The following PDE1C variants were observed in gnomAD, a reference collection of about 807,000 sequenced individuals.
PDE1C encodes dual specificity calcium/calmodulin-dependent 3',5'-cyclic nucleotide phosphodiesterase 1C.
In PDE1C, 62 loss-of-function variants were observed where a neutral mutation model predicts 93.1. That is an observed-to-expected ratio of 0.67 (90% CI 0.54 to 0.82). The LOEUF (loss-of-function observed/expected upper bound fraction) is 0.82. Ranked by LOEUF, PDE1C falls within the 40% of genes least tolerant of loss-of-function variation. The probability of loss-of-function intolerance (pLI) is 0.00; values close to 1 mark genes in which losing one functional copy is unlikely to be tolerated. For synonymous variants in PDE1C, 325 were observed against 310.1 expected, an observed-to-expected ratio of 1.05 and a Z score of -0.50; for missense variants, 742 against 884.6, an observed-to-expected ratio of 0.84 and a Z score of 2.04.
chr7:32,201,079 G>A (rs576613782), intron 2 of PDE1C, among the ~76,000 whole-genome samples: 3 of 152,310 alleles, frequency 2.0e-5, no homozygotes, highest in Non-Finnish European at 2.9e-5. Context: ...CTGCACACAT[G>A]TTAACAGCTT....
intron 1 of PDE1C, among the ~76,000 whole-genome samples, chr7:32,211,893 G>GTGC (rs2128844753): frequency 6.6e-6 from 1 of 151,814 alleles, no homozygotes; most frequent in Non-Finnish European, 1.5e-5. Context: ...GGGTGTGGTG[G>GTGC]AGCATGCCTG....
intron 17 of PDE1C, among the ~76,000 whole-genome samples, chr7:31,764,840 T>G (rs1396589482): frequency 6.6e-6 from 1 of 152,226 alleles, no homozygotes; most frequent in Non-Finnish European, 1.5e-5. Context: ...AATAAACTAC[T>G]CTACTTCACA....
chr7:31,706,709 A>G, the PDE1C span, among the ~76,000 whole-genome samples: 1 of 152,228 alleles, frequency 6.6e-6, no homozygotes, highest in Non-Finnish European at 1.5e-5. Context: ...CAAATATTGA[A>G]AGGACAGGAA....
At chr7:31,750,795 G>A (rs996578083), downstream of PDE1C, among the ~76,000 whole-genome samples, 1 of 152,140 alleles carries the variant, frequency 6.6e-6, no homozygotes, top group African/African-American at 2.4e-5. Context: ...GCAGCGGCGT[G>A]ATCTCGGCTC....
At chr7:31,763,983 T>C (rs1205713507) in intron 17 of PDE1C, among the ~76,000 whole-genome samples, 5 of 148,436 alleles carry the variant, frequency 3.4e-5, no homozygotes, top group African/African-American at 9.8e-5. Flanking sequence ...TATGTATATA[T>C]TATATATATT....
chr7:32,298,717 T>C (rs1230064785), exon 1 of PDE1C: 3 of 1,604,134 alleles, frequency 1.9e-6, no homozygotes, highest in Non-Finnish European at 2.6e-6. Flanking sequence ...CCCTCCTTCC[T>C]GTTGCCGGCG....
At chr7:32,091,195 A>G (rs752150123) in intron 3 of PDE1C, among the ~76,000 whole-genome samples, 14 of 152,326 alleles carry the variant, frequency 9.2e-5, no homozygotes, top group Non-Finnish European at 1.8e-4. Flanking sequence ...GAGCCTCTGG[A>G]TGGTTAAGTA....
intron 7 of PDE1C, among the ~76,000 whole-genome samples, chr7:31,853,114 A>G (rs1374830257): frequency 2.6e-5 from 4 of 152,140 alleles, no homozygotes; most frequent in African/African-American, 9.7e-5. Context: ...TTACAACCAT[A>G]GTGATGCTTC....
At chr7:32,047,223 C>T (rs1196225812) in intron 2 of PDE1C, among the ~76,000 whole-genome samples, 1 of 152,010 alleles carries the variant, frequency 6.6e-6, no homozygotes, top group African/African-American at 2.4e-5. Flanking sequence ...GCAAGCCAGA[C>T]CTGATAACTT....
intron 3 of PDE1C, among the ~76,000 whole-genome samples, chr7:32,101,865 C>T (rs1314109273): frequency 2.0e-5 from 3 of 152,020 alleles, no homozygotes; most frequent in African/African-American, 7.3e-5. Context: ...TCTGTGGGGG[C>T]CTCAGGAAAG....
At chr7:31,652,769 A>C in the PDE1C span, 1 of 1,613,840 alleles carries the variant, frequency 6.2e-7, no homozygotes, top group African/African-American at 1.3e-5. Context: ...GGGCAAAGTT[A>C]GGTCCAACCC....
At chr7:31,749,612 G>T (rs1052205784), downstream of PDE1C, among the ~76,000 whole-genome samples, 4 of 152,164 alleles carry the variant, frequency 2.6e-5, no homozygotes, top group African/African-American at 9.7e-5. Flanking sequence ...TGCAACAGGG[G>T]AGGAGAAAGG....
chr7:31,824,871 A>G lies in PDE1C; in HGVS notation c.1402T>C (p.Ser468Pro). Residue 468 changes from serine to proline, a missense_variant, in exon 13 of 18, where the codon TCG (serine) becomes CCG (proline). By Grantham distance (74) the Ser-to-Pro change is moderately conservative (BLOSUM62 -1). Transcript: ENST00000396191. ...SQTGGTGQRR[S>P]SLNSISSSDA... ...CCCTCAAGCTTCCCCACTGACCTCG[A>G]ACGCCTCTGTCCTGTCCCACCAGTT... 6.2e-7 allele frequency: 1 copy of G among 1,612,798 alleles called. No homozygotes were observed. Among genetic ancestry groups the G allele is most frequent in the Admixed American group, 1.7e-5 (1 of 59,970 alleles).
At chr7:31,661,055 G>A in the PDE1C span, among the ~76,000 whole-genome samples, 1 of 151,886 alleles carries the variant, frequency 6.6e-6, no homozygotes, top group African/African-American at 2.4e-5. Context: ...GTAGAGATAA[G>A]CTCGAGAAAA....
chr7:31,947,677 T>A (rs183444347), intron 2 of PDE1C, among the ~76,000 whole-genome samples: 232 of 152,298 alleles, frequency 1.5e-3, no homozygotes, highest in African/African-American at 5.1e-3. Flanking sequence ...ATTTTCATAG[T>A]TCCTGTACCA....
At chr7:31,914,061 A>G (rs1386969680) in intron 2 of PDE1C, among the ~76,000 whole-genome samples, 1 of 152,232 alleles carries the variant, frequency 6.6e-6, no homozygotes, top group African/African-American at 2.4e-5. Flanking sequence ...AAGGGAAAAT[A>G]TATAAATTCA....
intron 12 of PDE1C, 117 bp downstream of exon 12, chr7:31,828,175 G>C: frequency 1.4e-6 from 1 of 708,214 alleles, no homozygotes; most frequent in Non-Finnish European, 2.4e-6. Context: ...AGAGCCATGA[G>C]CACAACATGG....
chr7:32,215,966 A>G (rs779993141), intron 1 of PDE1C, among the ~76,000 whole-genome samples: 25 of 152,198 alleles, frequency 1.6e-4, no homozygotes, highest in Non-Finnish European at 2.4e-4. Context: ...ATCTTATCCA[A>G]GTGAACTCTT....
chr7:31,630,518 A>G, the PDE1C span, among the ~76,000 whole-genome samples: 1 of 152,170 alleles, frequency 6.6e-6, no homozygotes, highest in South Asian at 2.1e-4. Context: ...TTGAACTAAT[A>G]AAGATTCTGA....
Sources: allele counts gnomAD v4.1 joint callset (sites outside exome capture counted in the v4.1 genomes callset), GRCh38; gene constraint gnomAD v4.1.1; transcripts MANE v1.5; gene names NCBI Gene and HGNC (gene_info 2026-07-23, HGNC 2026-07-21).